The following FHL1 variants were observed in gnomAD, a reference collection of about 807,000 sequenced individuals.
FHL1 encodes four and a half LIM domains protein 1.
A neutral mutation model predicts 20.3 loss-of-function variants in FHL1; 1 was observed. The observed-to-expected ratio is 0.05, with a 90% CI of 0.02 to 0.23. FHL1 has a LOEUF of 0.23. Among genes scored for constraint, FHL1 ranks in the 10% least tolerant of loss-of-function variants. The pLI is 1.00. For missense variants in FHL1, 177 were observed against 234.0 expected (o/e 0.76, Z 1.59); for synonymous variants, 82 against 88.9 (o/e 0.92, Z 0.44).
chrX:136,158,719 T>C (rs757779321), intron 1 of FHL1, among the ~76,000 whole-genome samples: 1 of 111,722 alleles, frequency 9.0e-6, no homozygotes, highest in Non-Finnish European at 1.9e-5. Context: ...TTTTGGATAA[T>C]CAAAGTTGAA....
rs763065210 is a variant in FHL1 at position 136,210,061 on chromosome X, G to A, written c.*36G>A. 1 of 1,208,129 alleles carries A rather than the reference G, an allele frequency of 8.3e-7. No homozygotes were observed. The highest frequency in any genetic ancestry group is 1.8e-5 in the South Asian group (1 of 56,708). ...GCTCCTGTCCTGTAAAATGGCATTT[G>A]AATCTCGTTCTTTGTGTCCTTACTT... is the stretch of plus-strand genomic sequence containing the variant. On this transcript the variant is annotated 3_prime_UTR_variant, in exon 6 of 6. Transcript: ENST00000370683.
chrX:136,170,340 C>T (rs2072829131), intron 2 of FHL1, among the ~76,000 whole-genome samples: 1 of 111,548 alleles, frequency 9.0e-6, no homozygotes, highest in African/African-American at 3.3e-5. Context: ...GAGACTCCTG[C>T]TGCCAGCCAC....
chrX:136,186,865 AAT>A (rs1167280811), intron 2 of FHL1, among the ~76,000 whole-genome samples: 18 of 10,159 alleles, frequency 1.8e-3, no homozygotes, highest in African/African-American at 2.1e-3. Context: ...AAAAAAAAAA[AAT>A]ATATATATAT....
At chrX:136,153,290 G>GT (rs944860128) in intron 1 of FHL1, among the ~76,000 whole-genome samples, 2 of 101,650 alleles carry the variant, frequency 2.0e-5, no homozygotes, top group Non-Finnish European at 4.0e-5. Context: ...GAGGTGGGGG[G>GT]GGGCAGGAAA....
rs367650287 is a variant in FHL1 at position 136,169,997 on chromosome X, G to T, written c.-27+17G>T. 6.1e-6 allele frequency: 2 copies of T among 328,724 alleles called. No homozygotes were observed. Among genetic ancestry groups the T allele is most frequent in the East Asian group, 2.0e-4 (2 of 10,252 alleles). 27.1% of individuals were successfully genotyped at this position (328,724 alleles called of 1,213,427 possible). A position where few individuals can be genotyped will look rare whatever the true frequency, so the allele number is the denominator to read the frequency against. Reference sequence around the variant, plus strand: ...CAGCGTGAGGTAAGTTTTACTAATTGCCACAAATTCTTACACTGATCTCCA... The same window carrying T: ...CAGCGTGAGGTAAGTTTTACTAATTTCCACAAATTCTTACACTGATCTCCA... On this transcript the variant is annotated intron_variant, in intron 2 of 6. Transcript: ENST00000394153.
At chrX:136,208,371 C>A in intron 4 of FHL1, 84 bp from the exon 5 acceptor site, 1 of 1,008,979 alleles carries the variant, frequency 9.9e-7, no homozygotes, top group Non-Finnish European at 1.4e-6. Context: ...TATACCAAAG[C>A]GCCCAGCACA....
Position 136,207,870 on chromosome X carries a change from G to T in FHL1, c.458G>T (p.Gly153Val), listed in dbSNP as rs1336338909. The part of the protein sequence containing the change: ...FTCSNCKQVI[G>V]TGSFFPKGED... ...TGTAGTAACTGCAAGCAAGTCATCG[G>T]GACTGGAAGCTTCTTCCCTAAAGGG... The change falls in exon 4 of 6, where the codon GGG becomes GTG. Residue 153 changes from glycine (G) to valine (V), a missense_variant. Physicochemically the swap from Gly to Val is moderately radical, Grantham distance 109. Transcript: ENST00000370683. 1.7e-6 allele frequency: 2 copies of T among 1,210,787 alleles called. No individual in the cohort carries two copies. Among genetic ancestry groups the T allele is most frequent in the Non-Finnish European group, 2.2e-6 (2 of 895,306 alleles).
At chrX:136,207,284 CTGAGCTGCTT>C (rs2073869358) in intron 3 of FHL1, 94 bp downstream of exon 3, 2 of 914,422 alleles carry the variant, frequency 2.2e-6, no homozygotes, top group African/African-American at 4.0e-5. Context: ...TAACGTTGCT[CTGAGCTGCTT>C]TGAGATCTTA....
At position 136,206,397 on chromosome X, in the gene FHL1, G is replaced by GC; in HGVS notation, c.23-5dup. 8.3e-7 allele frequency: 1 copy of GC among 1,211,630 alleles called. No homozygotes were observed. Among genetic ancestry groups the GC allele is most frequent in the Non-Finnish European group, 1.1e-6 (1 of 895,484 alleles). ...CTGTGGTCATTTGTCCTGTCTGCTT[G>GC]CCCCCGCAGGTCCCTCCAGCTACAA... is the stretch of plus-strand genomic sequence containing the variant. On this transcript the variant is annotated splice_polypyrimidine_tract_variant and intron_variant, in intron 1 of 5. Transcript: ENST00000370683.
chrX:136,209,440 C>T (rs751141361), intron 5 of FHL1: 3 of 1,210,175 alleles, frequency 2.5e-6, no homozygotes, highest in African/African-American at 3.5e-5. Context: ...TCCTCGAGGC[C>T]CGGTAAGTGC....
At chrX:136,163,392 T>C (rs1383707657) in intron 1 of FHL1, among the ~76,000 whole-genome samples, 1 of 111,746 alleles carries the variant, frequency 8.9e-6, no homozygotes, top group Non-Finnish European at 1.9e-5. Flanking sequence ...TAGATTACAA[T>C]GGAGAAAGGT....
chrX:136,204,500 C>A (rs2073792177), intron 1 of FHL1, among the ~76,000 whole-genome samples: 1 of 112,231 alleles, frequency 8.9e-6, no homozygotes, highest in Non-Finnish European at 1.9e-5. Context: ...TGTTTCTAAC[C>A]CATTATATAA....
At chrX:136,171,688 G>A (rs940438199) in intron 2 of FHL1, among the ~76,000 whole-genome samples, 1 of 111,471 alleles carries the variant, frequency 9.0e-6, no homozygotes, top group African/African-American at 3.3e-5. Flanking sequence ...TTCTTAAAGT[G>A]GAACATTTAA....
chrX:136,154,745 C>T (rs1195849585), intron 1 of FHL1, among the ~76,000 whole-genome samples: 1 of 107,663 alleles, frequency 9.3e-6, no homozygotes, highest in Admixed American at 9.9e-5. Context: ...CTCCCTGTGT[C>T]GCCCAGGCTG....
At chrX:136,180,649 A>C (rs950454542) in intron 2 of FHL1, among the ~76,000 whole-genome samples, 5 of 112,980 alleles carry the variant, frequency 4.4e-5, no homozygotes, top group Non-Finnish European at 7.5e-5. Flanking sequence ...TAAAAACACT[A>C]ATAAGAAAAC....
upstream of FHL1, chrX:136,167,159 T>C: frequency 8.9e-6 from 1 of 112,068 alleles, no homozygotes. Context: ...GCCTTTTGTG[T>C]AAACATACCA....
At position 136,210,022 on chromosome X, in the gene FHL1, G is replaced by A. The variant is rs1240522766; in HGVS notation, c.888G>A (p.Leu296=). 15 of 1,211,133 alleles carry A rather than the reference G, an allele frequency of 1.2e-5. No homozygotes were observed. The South Asian group carries it at 1.4e-4, about 11-fold the overall frequency. The part of the protein sequence containing the change: ...QVYCPDCAKK[L] ...ATTGTCCCGACTGTGCCAAAAAGCT[G>A]TAAACTGACAGGGGCTCCTGTCCTG... Residue 296 remains leucine (L), a synonymous_variant, in exon 6 of 6, where the codon CTG becomes CTA. Transcript: ENST00000370683.
chrX:136,176,920 C>T (rs929907864), intron 2 of FHL1, among the ~76,000 whole-genome samples: 2 of 108,170 alleles, frequency 1.8e-5, no homozygotes, highest in African/African-American at 6.7e-5. Context: ...ACTGGACTCT[C>T]GAAAAGTGGA....
chrX:136,182,670 C>T (rs1435046994), intron 2 of FHL1: 1 of 112,106 alleles, frequency 8.9e-6, no homozygotes. Flanking sequence ...AAACCATTTC[C>T]AAGCAGTTTT....
Sources: allele counts gnomAD v4.1 joint callset (sites outside exome capture counted in the v4.1 genomes callset), GRCh38; gene constraint gnomAD v4.1.1; transcripts MANE v1.5; gene names NCBI Gene and HGNC (gene_info 2026-07-23, HGNC 2026-07-21).